ITPK1: variants seen among roughly 807,000 people sequenced by gnomAD.
The protein encoded by ITPK1 is inositol-tetrakisphosphate 1-kinase.
Under a neutral mutation model 45.3 loss-of-function variants are expected in ITPK1, and 21 were observed. The observed-to-expected ratio is 0.46, with a 90% CI of 0.33 to 0.67. ITPK1 has a LOEUF of 0.67. Among genes scored for constraint, ITPK1 ranks in the 30% least tolerant of loss-of-function variants. The pLI is 0.02. For synonymous variants in ITPK1, 258 were observed against 253.6 expected, an observed-to-expected ratio of 1.02 and a Z score of -0.16; for missense variants, 474 against 573.5, an observed-to-expected ratio of 0.83 and a Z score of 1.77.
chr14:93,016,581 G>T lies in ITPK1; in HGVS notation c.246+95C>A. On this transcript the variant is annotated intron_variant, in intron 4 of 10. Transcript: ENST00000267615. The surrounding 1 kb of genome is among the most constrained non-coding windows in gnomAD (Gnocchi z 5.0). ...TTTCTCCAGACTATACCTCCAGAGA[G>T]CTGCTACCGCCCTAAATACACACAC... The T allele has an allele frequency of 7.2e-7, 1 of 1,390,408 alleles. No homozygotes were observed. The highest frequency in any genetic ancestry group is 1.0e-6 in the Non-Finnish European group (1 of 1,002,854). 86.1% of individuals were successfully genotyped at this position (1,390,408 alleles called of 1,614,324 possible).
intron 3 of ITPK1, among the ~76,000 whole-genome samples, chr14:93,040,515 C>T (rs1262953908): frequency 6.6e-6 from 1 of 152,208 alleles, no homozygotes; most frequent in Admixed American, 6.5e-5. Context: ...GGCCCAACAC[C>T]CCTGCCCAGG....
intron 5 of ITPK1, 106 bp downstream of exon 5, chr14:92,993,774 T>G (rs1194466924): frequency 2.8e-6 from 2 of 717,404 alleles, no homozygotes; most frequent in African/African-American, 3.5e-5. Flanking sequence ...TGCCCCAAAG[T>G]GCTTAAAAAG....
chr14:92,967,002 T>C (rs771046233), intron 5 of ITPK1, among the ~76,000 whole-genome samples: 2 of 152,184 alleles, frequency 1.3e-5, no homozygotes, highest in Non-Finnish European at 2.9e-5. Flanking sequence ...AAAGAAAACA[T>C]AGATGTGAAC....
rs574787019 is a variant in ITPK1 at position 93,006,442 on chromosome 14, GGAGCA to G, written c.246+10229_246+10233del. ...GGCATTAAAAGGGGCTGTGTGGGGC[GGAGCA>G]GGGCAGGGGCCCGAGCACGCAAATG... On this transcript the variant is annotated intron_variant, in intron 4 of 10. Coordinates refer to ENST00000267615, the MANE Select transcript of ITPK1 (RefSeq NM_014216.6). Among the ~76,000 whole-genome samples, 334 of 152,338 alleles carry G rather than the reference GGAGCA, an allele frequency of 2.2e-3. 2 individuals are homozygous for G. The highest frequency in any genetic ancestry group is 7.8e-3 in the African/African-American group (323 of 41,576).
intron 5 of ITPK1, among the ~76,000 whole-genome samples, chr14:92,977,200 A>G (rs1047164229): frequency 1.3e-5 from 2 of 152,242 alleles, no homozygotes; most frequent in Admixed American, 6.5e-5. Flanking sequence ...CATCCTGTCC[A>G]TCATTATCGT....
intron 2 of ITPK1, among the ~76,000 whole-genome samples, chr14:93,083,335 G>T (rs929234703): frequency 6.6e-6 from 1 of 152,200 alleles, no homozygotes; most frequent in South Asian, 2.1e-4. Flanking sequence ...TGAGCCGCTC[G>T]GGGTCTCAGC....
intron 3 of ITPK1, among the ~76,000 whole-genome samples, chr14:93,042,296 A>G (rs1007901557): frequency 2.6e-5 from 4 of 152,198 alleles, no homozygotes; most frequent in African/African-American, 9.6e-5. Context: ...TGATAGCCAT[A>G]TGTGAACAGA....
intron 2 of ITPK1, among the ~76,000 whole-genome samples, chr14:93,112,094 T>G (rs1237635103): frequency 6.6e-6 from 1 of 151,408 alleles, no homozygotes; most frequent in Non-Finnish European, 1.5e-5. Context: ...GGGCTCAGCT[T>G]TGCAAGGAAT....
rs1889312885 is a variant in ITPK1 at position 93,036,252 on chromosome 14, C to T, written c.121-19451G>A. Among the ~76,000 whole-genome samples, 1 of 152,210 alleles carries T rather than the reference C, an allele frequency of 6.6e-6. No homozygotes were observed. On this transcript the variant is annotated intron_variant, in intron 3 of 10. Coordinates refer to ENST00000267615, the MANE Select transcript of ITPK1 (RefSeq NM_014216.6). The surrounding 1 kb of genome is among the most constrained non-coding windows in gnomAD (Gnocchi z 4.1). The stretch of plus-strand genomic sequence containing the variant: ...TGGGAAGGGCCGCTCCTATAGCAAC[C>T]AGCCCTGCCCCAGGAGGTCCACATG...
chr14:93,054,994 G>T (rs1310356204), intron 3 of ITPK1, among the ~76,000 whole-genome samples: 1 of 152,144 alleles, frequency 6.6e-6, no homozygotes, highest in Non-Finnish European at 1.5e-5. Context: ...GTCCCCAAAG[G>T]TGACCGCCAG....
intron 3 of ITPK1, among the ~76,000 whole-genome samples, chr14:93,040,466 C>T (rs566816895): frequency 6.6e-6 from 1 of 152,286 alleles, no homozygotes. Context: ...AGGTCAAGGC[C>T]CCTGGCCAGA....
intron 2 of ITPK1, among the ~76,000 whole-genome samples, chr14:93,104,025 G>C (rs944815024): frequency 6.6e-5 from 10 of 152,098 alleles, no homozygotes; most frequent in African/African-American, 2.4e-4. Context: ...TGGCCTCTTG[G>C]GTGGAGGGGG....
intron 10 of ITPK1, among the ~76,000 whole-genome samples, chr14:92,944,888 C>T (rs1417501302): frequency 1.3e-5 from 2 of 152,204 alleles, no homozygotes; most frequent in East Asian, 3.8e-4. Context: ...TTCACAAGCA[C>T]AGATCTCACG....
At chr14:92,979,969 C>T (rs368013665) in intron 5 of ITPK1, among the ~76,000 whole-genome samples, 7 of 151,990 alleles carry the variant, frequency 4.6e-5, no homozygotes, top group Non-Finnish European at 7.4e-5. Flanking sequence ...TTAGTAGAGA[C>T]GGGGTTTTCC....
chr14:92,970,881 C>A (rs1475535871), intron 5 of ITPK1, among the ~76,000 whole-genome samples: 7 of 152,148 alleles, frequency 4.6e-5, no homozygotes, highest in African/African-American at 1.7e-4. Flanking sequence ...GTGATCCGCC[C>A]GCCTCGGCCT....
In ITPK1 at chr14:93,113,601, TCCC is replaced by T. The variant is rs1193397405; in HGVS notation, c.95+1465_95+1467del. ...TTTCTTTAGTGTCTTAGAATGCCCT[TCCC>T]ACAAGTGAGTGTATCCGCGGTACAA... On this transcript the variant is annotated intron_variant, in intron 2 of 10. Transcript: ENST00000267615. Among the ~76,000 whole-genome samples the T allele has an allele frequency of 3.9e-5, 6 of 152,190 alleles. No homozygotes were observed. In the East Asian group the frequency reaches 1.2e-3, roughly 29 times the overall value.
At chr14:93,001,851 T>C (rs1887371645) in intron 4 of ITPK1, among the ~76,000 whole-genome samples, 1 of 152,092 alleles carries the variant, frequency 6.6e-6, no homozygotes, top group Non-Finnish European at 1.5e-5. Flanking sequence ...CACCAGCTCC[T>C]CCGTACCCAG....
intron 3 of ITPK1, among the ~76,000 whole-genome samples, chr14:93,041,759 A>C (rs1889572585): frequency 6.6e-6 from 1 of 152,162 alleles, no homozygotes. Context: ...GGCAGGCCCC[A>C]GTCCTGTGCT....
At chr14:93,110,600 A>G (rs549296264) in intron 2 of ITPK1, among the ~76,000 whole-genome samples, 7 of 152,336 alleles carry the variant, frequency 4.6e-5, no homozygotes, top group African/African-American at 1.7e-4. Flanking sequence ...GTTGACACCA[A>G]ACTCCCAGAC....
Sources: allele counts gnomAD v4.1 joint callset (sites outside exome capture counted in the v4.1 genomes callset), GRCh38; gene constraint gnomAD v4.1.1; non-coding constraint Gnocchi (gnomAD v3.1); transcripts MANE v1.5; gene names NCBI Gene and HGNC (gene_info 2026-07-23, HGNC 2026-07-21).